Variants in NDST4 observed in about 807,000 individuals in gnomAD.
NDST4 encodes the protein N-deacetylase and N-sulfotransferase 4.
Under a neutral mutation model 100.8 loss-of-function variants are expected in NDST4, and 63 were observed. The ratio of observed to expected loss-of-function variants is 0.62; its 90% CI spans 0.51 to 0.77. The LOEUF is 0.77. Among genes scored for constraint, NDST4 ranks in the 30% least tolerant of loss-of-function variants. The pLI, the probability that NDST4 is intolerant of heterozygous loss-of-function variation, is 0.00. For synonymous variants in NDST4, 377 were observed against 361.8 expected (o/e 1.04, Z -0.48); for missense variants, 943 against 1,018.4 (o/e 0.93, Z 1.01).
At chr4:114,995,982 T>C (rs1332771361) in intron 2 of NDST4, among the ~76,000 whole-genome samples, 2 of 152,104 alleles carry the variant, frequency 1.3e-5, no homozygotes, top group Non-Finnish European at 2.9e-5. Context: ...TTTATATTCA[T>C]GAAGAAACAA....
intron 1 of NDST4, among the ~76,000 whole-genome samples, chr4:115,098,303 T>A (rs1304364279): frequency 2.6e-5 from 4 of 152,162 alleles, no homozygotes; most frequent in Non-Finnish European, 5.9e-5. Flanking sequence ...TTGTTTAAAA[T>A]TGGACAACTA....
At chr4:114,961,320 G>A (rs922640660) in intron 4 of NDST4, among the ~76,000 whole-genome samples, 6 of 151,324 alleles carry the variant, frequency 4.0e-5, no homozygotes, top group Admixed American at 1.3e-4. Flanking sequence ...TAAATATAAA[G>A]CAATTAGAAG....
chr4:115,067,407 T>A (rs921380007), intron 2 of NDST4, among the ~76,000 whole-genome samples: 1 of 152,178 alleles, frequency 6.6e-6, no homozygotes, highest in Admixed American at 6.5e-5. Flanking sequence ...TCATAAAATA[T>A]AGAAAAGTAA....
At chr4:115,083,755 C>A (rs368930424) in intron 1 of NDST4, among the ~76,000 whole-genome samples, 22 of 152,182 alleles carry the variant, frequency 1.4e-4, no homozygotes, top group East Asian at 1.4e-3. Context: ...GAGCTTCCCC[C>A]CTTTGTTCAG....
At chr4:114,938,266 A>T (rs957453362) in intron 4 of NDST4, among the ~76,000 whole-genome samples, 71 of 152,204 alleles carry the variant, frequency 4.7e-4, no homozygotes, top group African/African-American at 1.7e-3. Flanking sequence ...AAAGGTTAAG[A>T]TTTTCTCCTT....
chr4:115,019,099 T>G (rs908374252), intron 2 of NDST4, among the ~76,000 whole-genome samples: 1 of 152,040 alleles, frequency 6.6e-6, no homozygotes, highest in African/African-American at 2.4e-5. Context: ...CCATTCCTTC[T>G]GGATACTACA....
At chr4:115,045,528 A>G (rs926140170) in intron 2 of NDST4, among the ~76,000 whole-genome samples, 4 of 152,126 alleles carry the variant, frequency 2.6e-5, no homozygotes, top group African/African-American at 9.7e-5. Flanking sequence ...CAGAGGTTTC[A>G]TGCATGGACT....
intron 2 of NDST4, among the ~76,000 whole-genome samples, chr4:114,998,513 T>C (rs1727213779): frequency 6.6e-6 from 1 of 152,030 alleles, no homozygotes; most frequent in Non-Finnish European, 1.5e-5. Flanking sequence ...GATGAAGGCC[T>C]TAGGGAAACA....
At chr4:115,094,622 C>A (rs760165608) in intron 1 of NDST4, among the ~76,000 whole-genome samples, 4 of 152,008 alleles carry the variant, frequency 2.6e-5, no homozygotes, top group Admixed American at 6.6e-5. Context: ...ATTTTCTAAC[C>A]CCCAGTATCT....
At chr4:115,001,978 T>C (rs1282558983) in intron 2 of NDST4, among the ~76,000 whole-genome samples, 2 of 152,176 alleles carry the variant, frequency 1.3e-5, no homozygotes, top group Non-Finnish European at 2.9e-5. Flanking sequence ...TTATTCAATG[T>C]CCCTATAGTT....
chr4:115,058,528 T>C (rs1728750086), intron 2 of NDST4, among the ~76,000 whole-genome samples: 1 of 152,180 alleles, frequency 6.6e-6, no homozygotes, highest in Non-Finnish European at 1.5e-5. Context: ...AACAATTATG[T>C]TTGTTTCCTG....
At chr4:114,894,053 G>T (rs780725561) in intron 6 of NDST4, among the ~76,000 whole-genome samples, 14 of 152,006 alleles carry the variant, frequency 9.2e-5, no homozygotes, top group Non-Finnish European at 1.8e-4. Flanking sequence ...GGTTGTAGAT[G>T]AGTAGTGTTA....
At chr4:115,019,880 T>C (rs1469573477) in intron 2 of NDST4, among the ~76,000 whole-genome samples, 1 of 152,052 alleles carries the variant, frequency 6.6e-6, no homozygotes, top group Non-Finnish European at 1.5e-5. Flanking sequence ...TACGGGATGA[T>C]GCAGCACAAA....
intron 4 of NDST4, among the ~76,000 whole-genome samples, chr4:114,959,593 C>G (rs1726214922): frequency 6.6e-6 from 1 of 152,086 alleles, no homozygotes; most frequent in African/African-American, 2.4e-5. Flanking sequence ...CCTCCCAAAA[C>G]ACGTGGGGAT....
intron 6 of NDST4, among the ~76,000 whole-genome samples, chr4:114,924,042 A>G (rs1725339479): frequency 1.3e-5 from 2 of 152,136 alleles, no homozygotes; most frequent in Admixed American, 1.3e-4. Context: ...TTAGAAAGAT[A>G]TATGTCTACA....
At chr4:115,003,414 T>A (rs1250298418) in intron 2 of NDST4, among the ~76,000 whole-genome samples, 1 of 152,150 alleles carries the variant, frequency 6.6e-6, no homozygotes, top group East Asian at 1.9e-4. Context: ...GATTACAAGG[T>A]CATCTCTCAC....
intron 6 of NDST4, among the ~76,000 whole-genome samples, chr4:114,893,058 T>C (rs1351506510): frequency 1.3e-5 from 2 of 152,132 alleles, no homozygotes; most frequent in Non-Finnish European, 2.9e-5. Flanking sequence ...TCCATGTCCC[T>C]GCAGAGGACA....
At chr4:114,973,082 A>T (rs945097952) in intron 3 of NDST4, among the ~76,000 whole-genome samples, 1 of 152,182 alleles carries the variant, frequency 6.6e-6, no homozygotes, top group African/African-American at 2.4e-5. Context: ...CAGCTTAATA[A>T]AAAATATGAT....
intron 4 of NDST4, among the ~76,000 whole-genome samples, chr4:114,954,833 G>T (rs979697298): frequency 2.6e-5 from 4 of 152,116 alleles, no homozygotes; most frequent in African/African-American, 9.7e-5. Flanking sequence ...TAACCTTCTT[G>T]GCACTGTCCT....
Sources: gnomAD v4.1 joint callset for allele counts (sites outside exome capture counted in the v4.1 genomes callset) on GRCh38, gnomAD v4.1.1 for gene constraint, MANE v1.5 for transcripts, NCBI Gene and HGNC (gene_info 2026-07-23, HGNC 2026-07-21) for gene names.